The following IKZF4 variants were observed in gnomAD, a reference collection of about 807,000 sequenced individuals.
IKZF4 encodes the protein zinc finger protein Eos.
A neutral mutation model predicts 47.7 loss-of-function variants in IKZF4; 11 were observed. The ratio of observed to expected loss-of-function variants is 0.23; its 90% CI spans 0.15 to 0.38. The LOEUF (loss-of-function observed/expected upper bound fraction) is 0.38, where lower values mean the gene tolerates loss of function less well. Among genes scored for constraint, IKZF4 ranks in the 10% least tolerant of loss-of-function variants. IKZF4 has a pLI of 1.00. For synonymous variants in IKZF4, 298 were observed against 299.4 expected (o/e 1.00, Z 0.05); for missense variants, 557 against 784.9 (o/e 0.71, Z 3.47).
At position 56,037,087 on chromosome 12, in the gene IKZF4, G is replaced by A. The variant is rs1456374216; in HGVS notation, c.*1756G>A. 1 of 151,976 alleles carries A rather than the reference G, an allele frequency of 6.6e-6. No individual in the cohort carries two copies. Among genetic ancestry groups the A allele is most frequent in the Non-Finnish European group, 1.5e-5 (1 of 67,994 alleles). 9.4% of individuals were successfully genotyped at this position (151,976 alleles called of 1,614,324 possible). A position where few individuals can be genotyped will look rare whatever the true frequency, so the allele number is the denominator to read the frequency against. On this transcript the variant is annotated 3_prime_UTR_variant, in exon 8 of 8. Coordinates refer to ENST00000547167, the MANE Select transcript of IKZF4 (RefSeq NM_022465.4). ...TATCAGGGATATTTTGGGGGGGGAT[G>A]GTAAAGGGTGGGCTAAGGAACAGAC...
intron 1 of IKZF4, chr12:56,011,067 G>A (rs1376252256): frequency 6.6e-6 from 1 of 152,142 alleles, no homozygotes; most frequent in Non-Finnish European, 1.5e-5. Context: ...AGACTTCCCT[G>A]TAATTTCAAA....
upstream of IKZF4, among the ~76,000 whole-genome samples, chr12:56,018,512 T>C (rs1014663034): frequency 6.6e-6 from 1 of 152,106 alleles, no homozygotes; most frequent in African/African-American, 2.4e-5. Context: ...AAACATGAAA[T>C]CCTGTTCTAT....
intron 5 of IKZF4, among the ~76,000 whole-genome samples, 153 bp downstream of exon 5, chr12:56,028,100 C>T (rs996021835): frequency 1.3e-5 from 2 of 152,242 alleles, no homozygotes; most frequent in Admixed American, 6.5e-5. Context: ...GCCTCTCTCA[C>T]CCATCCTCTG....
intron 1 of IKZF4, among the ~76,000 whole-genome samples, chr12:56,008,735 C>T (rs927893027): frequency 3.4e-4 from 47 of 136,662 alleles, no homozygotes; most frequent in African/African-American, 1.1e-3. Context: ...GGTGCAATGG[C>T]GCGACCTCAG....
At chr12:56,023,391 G>C (rs985284518) in intron 1 of IKZF4, among the ~76,000 whole-genome samples, 3 of 152,194 alleles carry the variant, frequency 2.0e-5, no homozygotes, top group Non-Finnish European at 4.4e-5. Flanking sequence ...TTTAAAACTG[G>C]CTCTGAGTCT....
chr12:56,013,620 A>T (rs1300677923), intron 2 of IKZF4, among the ~76,000 whole-genome samples: 1 of 152,078 alleles, frequency 6.6e-6, no homozygotes, highest in Non-Finnish European at 1.5e-5. Flanking sequence ...GGCAGTGCCT[A>T]ATTTGACCCA....
At position 56,034,896 on chromosome 12, in the gene IKZF4, C is replaced by T; in HGVS notation, c.1323C>T (p.Pro441=). 5.0e-6 allele frequency: 8 copies of T among 1,605,778 alleles called. No individual in the cohort carries two copies. The highest frequency in any genetic ancestry group is 6.8e-6 in the Non-Finnish European group (8 of 1,175,560). ...CCCTCCTCTACCGGCCCCGAGGCCC[C>T]CTGACTGACCCTGGGGCATCCCCCA... is the stretch of plus-strand genomic sequence containing the variant. ...GGPLLYRPRG[P]LTDPGASPSN... is the part of the protein sequence containing the mutation. Residue 441 remains proline (P), a synonymous_variant, in exon 8 of 8, where the codon CCC becomes CCT. Transcript: ENST00000547167.
Position 56,027,059 on chromosome 12 carries a change from G to A in IKZF4, c.547+18G>A. ...TCACACTGGTAAGTAAGCCAGAGGG[G>A]CTCTGGGAGGAGCTCCCAGGGTGGG... is the stretch of plus-strand genomic sequence containing the variant. On this transcript the variant is annotated intron_variant, in intron 4 of 7. Transcript: ENST00000547167. 1 of 1,485,180 alleles carries A rather than the reference G, an allele frequency of 6.7e-7. No individual in the cohort carries two copies. Among genetic ancestry groups the A allele is most frequent in the Non-Finnish European group, 9.0e-7 (1 of 1,114,866 alleles). 92.0% of individuals were successfully genotyped at this position (1,485,180 alleles called of 1,614,324 possible). A position where few individuals can be genotyped will look rare whatever the true frequency, so the allele number is the denominator to read the frequency against.
intron 2 of IKZF4, chr12:56,024,616 A>C (rs946979779): frequency 9.7e-7 from 1 of 1,032,150 alleles, no homozygotes; most frequent in Non-Finnish European, 1.2e-6. Flanking sequence ...ATGATTACTA[A>C]TATTATCATT....
At position 56,032,546 on chromosome 12, in the gene IKZF4, C is replaced by T; in HGVS notation, c.716-15C>T. The T allele has an allele frequency of 1.9e-6, 3 of 1,601,262 alleles. No individual in the cohort carries two copies. Among genetic ancestry groups the T allele is most frequent in the Non-Finnish European group, 1.7e-6 (2 of 1,174,092 alleles). On this transcript the variant is annotated splice_polypyrimidine_tract_variant and intron_variant, in intron 5 of 7. Coordinates refer to ENST00000547167, the MANE Select transcript of IKZF4 (RefSeq NM_022465.4). Reference sequence around the variant, plus strand: ...AGAAATAGCTCTGATGCCATCTTTCCACTCTCCTCCACAGTCTCCTCTCCC... The same window carrying T: ...AGAAATAGCTCTGATGCCATCTTTCTACTCTCCTCCACAGTCTCCTCTCCC...
chr12:56,022,869 G>A (rs970875911), intron 1 of IKZF4, among the ~76,000 whole-genome samples: 3 of 146,434 alleles, frequency 2.0e-5, no homozygotes, highest in Non-Finnish European at 3.0e-5. Flanking sequence ...GCGCGATCTC[G>A]GCTCACTGCA....
At chr12:56,017,840 C>G (rs572670479), upstream of IKZF4, among the ~76,000 whole-genome samples, 3 of 152,264 alleles carry the variant, frequency 2.0e-5, no homozygotes, top group East Asian at 3.9e-4. Context: ...CAGGCACATG[C>G]CACGATGCCT....
At chr12:56,030,436 A>G (rs1449105745) in intron 5 of IKZF4, among the ~76,000 whole-genome samples, 4 of 146,908 alleles carry the variant, frequency 2.7e-5, no homozygotes. Context: ...ATCTTGGGGA[A>G]AAAAAAAAAA....
intron 5 of IKZF4, among the ~76,000 whole-genome samples, chr12:56,030,684 G>A (rs575940529): frequency 3.3e-5 from 5 of 151,468 alleles, no homozygotes; most frequent in Admixed American, 2.0e-4. Flanking sequence ...AGCCAAGATC[G>A]CGCCATTGCA....
intron 1 of IKZF4, among the ~76,000 whole-genome samples, chr12:56,008,374 A>T (rs1323004878): frequency 6.6e-6 from 1 of 152,126 alleles, no homozygotes; most frequent in Non-Finnish European, 1.5e-5. Context: ...AGACATCCAG[A>T]CGGGAGCTGC....
rs1450165812 is a variant in IKZF4, at chr12:56,021,349, C to T, written c.-145C>T. The stretch of plus-strand genomic sequence containing the variant: ...CACATACACCCTGGGCTGAGCTGCT[C>T]TTGCTGGCTGCAGCCGTGGGCCTCT... On this transcript the variant is annotated 5_prime_UTR_variant, in exon 1 of 8. Transcript: ENST00000547167. The T allele has an allele frequency of 3.9e-6, 6 of 1,542,052 alleles. No individual in the cohort carries two copies. The highest frequency in any genetic ancestry group is 5.2e-6 in the Non-Finnish European group (6 of 1,146,556).
At chr12:56,011,318 C>T (rs1891301754) in intron 1 of IKZF4, 1 of 152,138 alleles carries the variant, frequency 6.6e-6, no homozygotes, top group South Asian at 2.1e-4. Context: ...TTTAGTTTGG[C>T]CCTTTTCCTT....
chr12:56,010,073 C>T (rs1891161343), intron 1 of IKZF4: 1 of 151,652 alleles, frequency 6.6e-6, no homozygotes, highest in Non-Finnish European at 1.5e-5. Context: ...ACACACACAC[C>T]AAAGAAAAAG....
At position 56,034,743 on chromosome 12, in the gene IKZF4, T is replaced by C; in HGVS notation, c.1170T>C (p.Asn390=). The C allele has an allele frequency of 1.8e-5, 29 of 1,614,006 alleles. No individual in the cohort carries two copies. Among genetic ancestry groups the C allele is most frequent in the Non-Finnish European group, 2.5e-5 (29 of 1,179,878 alleles). ...GTCCCCTCCGCCTTCCACCCACCAA[T>C]TGCATCTCAGAACTCACGCCTGTCA... ...HLRPLRLPPT[N]CISELTPVIS... Residue 390 remains asparagine, a synonymous_variant, in exon 8 of 8, where the codon AAT becomes AAC. Coordinates refer to ENST00000547167, the MANE Select transcript of IKZF4 (RefSeq NM_022465.4).
Sources: gnomAD v4.1 joint callset for allele counts (sites outside exome capture counted in the v4.1 genomes callset) on GRCh38, gnomAD v4.1.1 for gene constraint, MANE v1.5 for transcripts, NCBI Gene and HGNC (gene_info 2026-07-23, HGNC 2026-07-21) for gene names.